KBTBD6: variants seen among roughly 807,000 people sequenced by gnomAD.
KBTBD6 encodes the protein kelch repeat and BTB domain containing 6, also known as kelch repeat and BTB domain-containing protein 6.
KBTBD6 carries 6 observed loss-of-function variants against 34.4 expected under a neutral mutation model. That is an observed-to-expected ratio of 0.17 (90% CI 0.10 to 0.34). The LOEUF is 0.34. Among genes scored for constraint, KBTBD6 ranks in the 10% least tolerant of loss-of-function variants. KBTBD6 has a pLI of 1.00. For synonymous variants in KBTBD6, 288 were observed against 327.2 expected, an observed-to-expected ratio of 0.88 and a Z score of 1.29; for missense variants, 557 against 856.0, an observed-to-expected ratio of 0.65 and a Z score of 4.36.
In KBTBD6 at chr13:41,131,946, C is replaced by G. The variant is rs2030107730; in HGVS notation, c.566G>C (p.Arg189Pro). The change falls in exon 1 of 1, where the codon CGA (arginine) becomes CCA (proline). Residue 189 changes from arginine to proline, a missense_variant. Arg to Pro is a moderately radical substitution (Grantham distance 103). Around this residue, in one of 4 missense-constraint regions of KBTBD6, gnomAD observed 100 missense variants for 102.1 expected, o/e 0.98. Transcript: ENST00000379485. This position sits in a 1 kb window ranked among gnomAD's most constrained non-coding sequence, Gnocchi z 5.8. The part of the protein sequence containing the change: ...FADAFGHRKL[R>P]SQAQSYIAQN... ...AGCTATATAGGACTGGGCCTGGGAT[C>G]GCAGCTTGCGATGGCCAAAGGCATC... 1 of 1,614,248 alleles carries G rather than the reference C, an allele frequency of 6.2e-7. No individual in the cohort carries two copies. The highest frequency in any genetic ancestry group is 8.5e-7 in the Non-Finnish European group (1 of 1,180,050).
At position 41,128,162 on chromosome 13, in the gene KBTBD6, T is replaced by A. The variant is rs2030026092; in HGVS notation, c.*2325A>T. The A allele has an allele frequency of 5.6e-6, 1 of 179,138 alleles. No individual in the cohort carries two copies. Among genetic ancestry groups the A allele is most frequent in the East Asian group, 1.4e-4 (1 of 7,238 alleles). 11.1% of individuals were successfully genotyped at this position (179,138 alleles called of 1,614,324 possible). A position where few individuals can be genotyped will look rare whatever the true frequency, so the allele number is the denominator to read the frequency against. Reference sequence around the variant, plus strand: ...ATGATATTTCACTCAAAAATTTAGTTACCCACCCCAAAACACATTTCTCTC... The same window carrying A: ...ATGATATTTCACTCAAAAATTTAGTAACCCACCCCAAAACACATTTCTCTC... On this transcript the variant is annotated 3_prime_UTR_variant, in exon 1 of 1. Coordinates refer to ENST00000379485, the MANE Select transcript of KBTBD6 (RefSeq NM_152903.5).
At position 41,129,711 on chromosome 13, in the gene KBTBD6, A is replaced by G. The variant is rs998759074; in HGVS notation, c.*776T>C. 8.7e-6 allele frequency: 1 copy of G among 115,212 alleles called. No individual in the cohort carries two copies. The highest frequency in any genetic ancestry group is 3.4e-5 in the African/African-American group (1 of 29,034). The allele number at this position is 115,212 out of a possible 1,614,324, so 7.1% of individuals were successfully genotyped here. On this transcript the variant is annotated 3_prime_UTR_variant, in exon 1 of 1. Coordinates refer to ENST00000379485, the MANE Select transcript of KBTBD6 (RefSeq NM_152903.5). ...GAGACGGAGTCTCACTCTGTCATCC[A>G]GGCTGGAGTGCAGTGGCCCAGTCTC...
chr13:41,132,475 G>A lies in KBTBD6; in HGVS notation c.37C>T (p.Leu13=). 6.2e-7 allele frequency: 1 copy of A among 1,614,232 alleles called. No homozygotes were observed. Among genetic ancestry groups the A allele is most frequent in the Non-Finnish European group, 8.5e-7 (1 of 1,180,030 alleles). The change falls in exon 1 of 1, where the codon CTA becomes TTA. Residue 13 remains leucine (L), a synonymous_variant. Coordinates refer to ENST00000379485, the MANE Select transcript of KBTBD6 (RefSeq NM_152903.5). ...SREDAPRSRR[L]ASPRGGKRPK... is the part of the protein sequence containing the mutation. The stretch of plus-strand genomic sequence containing the variant: ...CGCTTCCCACCACGGGGACTGGCTA[G>A]GCGGCGAGAGCGCGGGGCGTCTTCC...
At position 41,130,932 on chromosome 13, in the gene KBTBD6, C is replaced by G. The variant is rs2030076215; in HGVS notation, c.1580G>C (p.Cys527Ser). ...CTTCATGACTGGGATATCACAGATA[C>G]AATAGATCTCCTCATTGAAGACGCA... ...EACVFNEEIYCICDIPVMKVY... is the reference protein window; with the variant it reads ...EACVFNEEIYSICDIPVMKVY... Residue 527 changes from cysteine (C) to serine (S), a missense_variant, in exon 1 of 1, where the codon TGT (cysteine) becomes TCT (serine). Physicochemically the swap from Cys to Ser is moderately radical, Grantham distance 112. Around this residue, in one of 4 missense-constraint regions of KBTBD6, gnomAD observed 309 missense variants for 504.5 expected, o/e 0.61. Coordinates refer to ENST00000379485, the MANE Select transcript of KBTBD6 (RefSeq NM_152903.5). The surrounding 1 kb of genome is among the most constrained non-coding windows in gnomAD (Gnocchi z 4.8). 1.2e-6 allele frequency: 2 copies of G among 1,614,126 alleles called. No homozygotes were observed. Among genetic ancestry groups the G allele is most frequent in the Non-Finnish European group, 1.7e-6 (2 of 1,179,982 alleles).
In KBTBD6 at chr13:41,128,229, GA is replaced by G; in HGVS notation, c.*2257del. 4.0e-6 allele frequency: 1 copy of G among 252,996 alleles called. No individual in the cohort carries two copies. Among genetic ancestry groups the G allele is most frequent in the Non-Finnish European group, 7.5e-6 (1 of 133,486 alleles). The allele number at this position is 252,996 out of a possible 1,614,324, so 15.7% of individuals were successfully genotyped here. On this transcript the variant is annotated 3_prime_UTR_variant, in exon 1 of 1. Coordinates refer to ENST00000379485, the MANE Select transcript of KBTBD6 (RefSeq NM_152903.5). ...AAGAAATGTTAGCATTCTGTCACTA[GA>G]AAATAAACACTGAAGAGGAATTAGC...
At position 41,131,142 on chromosome 13, in the gene KBTBD6, T is replaced by C. The variant is rs1365813657; in HGVS notation, c.1370A>G (p.Tyr457Cys). The change falls in exon 1 of 1, where the codon TAC becomes TGC. Residue 457 changes from tyrosine (Y) to cysteine (C), a missense_variant. Physicochemically the swap from Tyr to Cys is radical, Grantham distance 194. This residue lies in a region of KBTBD6 where 309 missense variants were observed against 504.5 expected (regional missense o/e 0.61). Coordinates refer to ENST00000379485, the MANE Select transcript of KBTBD6 (RefSeq NM_152903.5). The surrounding 1 kb of genome is among the most constrained non-coding windows in gnomAD (Gnocchi z 5.8). ...TGCCCACTGGTTTCTCTTAACATTG[T>C]AGCATTCCACTTCCTTCAACTTAAC... ...TGVKLKEVEC[Y>C]NVKRNQWALV... The C allele has an allele frequency of 6.2e-7, 1 of 1,614,210 alleles. No homozygotes were observed. Among genetic ancestry groups the C allele is most frequent in the Non-Finnish European group, 8.5e-7 (1 of 1,180,036 alleles).
Position 41,132,343 on chromosome 13 carries a change from A to G in KBTBD6, c.169T>C (p.Tyr57His). ...AALLAQLKSF[Y>H]DARLLCDVTI... ...ACATCACACAGCAGCCGCGCATCGTAGAAGGACTTGAGCTGTGCCAGCAGG... is the reference window on the plus strand; with the variant it reads ...ACATCACACAGCAGCCGCGCATCGTGGAAGGACTTGAGCTGTGCCAGCAGG... Residue 57 changes from tyrosine to histidine, a missense_variant, in exon 1 of 1, where the codon TAC (tyrosine) becomes CAC (histidine). Around this residue, in one of 4 missense-constraint regions of KBTBD6, gnomAD observed 108 missense variants for 209.6 expected, o/e 0.52. Transcript: ENST00000379485. 3.7e-6 allele frequency: 6 copies of G among 1,614,240 alleles called. No individual in the cohort carries two copies. The highest frequency in any genetic ancestry group is 5.1e-6 in the Non-Finnish European group (6 of 1,180,044).
chr13:41,131,284 G>T lies in KBTBD6; in HGVS notation c.1228C>A (p.Pro410Thr). Residue 410 changes from proline (P) to threonine (T), a missense_variant, in exon 1 of 1, where the codon CCA becomes ACA. Physicochemically the swap from Pro to Thr is conservative, Grantham distance 38. Coordinates refer to ENST00000379485, the MANE Select transcript of KBTBD6 (RefSeq NM_152903.5). This position sits in a 1 kb window ranked among gnomAD's most constrained non-coding sequence, Gnocchi z 5.8. ...AGTTGCTGCCAACTATTCTGAGCTG[G>T]TTTATACACCCAGAGGTCTGTCCTG... ...QPRTDLWVYK[P>T]AQNSWQQLAD... 1 of 1,614,170 alleles carries T rather than the reference G, an allele frequency of 6.2e-7. No homozygotes were observed. Among genetic ancestry groups the T allele is most frequent in the Middle Eastern group, 1.6e-4 (1 of 6,062 alleles).
At position 41,132,134 on chromosome 13, in the gene KBTBD6, G is replaced by A. The variant is rs759691258; in HGVS notation, c.378C>T (p.Val126=). The change falls in exon 1 of 1, where the codon GTC becomes GTT. Residue 126 remains valine, a synonymous_variant. Coordinates refer to ENST00000379485, the MANE Select transcript of KBTBD6 (RefSeq NM_152903.5). ...DVDAESFEVL[V]DYCYTGRVSL... ...ACACACGACCCGTGTAGCAGTAGTC[G>A]ACCAACACCTCGAAGGACTCGGCGT... 5.0e-6 allele frequency: 8 copies of A among 1,614,116 alleles called. No homozygotes were observed. The highest frequency in any genetic ancestry group is 1.7e-5 in the Admixed American group (1 of 60,010).
rs2030077978 is a variant in KBTBD6 at position 41,131,004 on chromosome 13, A to G, written c.1508T>C (p.Met503Thr). ...CTTCAGAGAAACGCACTTCAGCCAC[A>G]TATTGTGGCTAGGATCATAACAGAA... is the stretch of plus-strand genomic sequence containing the variant. ...RMFCYDPSHN[M>T]WLKCVSLKRN... The change falls in exon 1 of 1, where the codon ATG (methionine) becomes ACG (threonine). Residue 503 changes from methionine to threonine, a missense_variant. Around this residue, in one of 4 missense-constraint regions of KBTBD6, gnomAD observed 309 missense variants for 504.5 expected, o/e 0.61. Transcript: ENST00000379485. The surrounding 1 kb of genome is among the most constrained non-coding windows in gnomAD (Gnocchi z 5.8). 4 of 1,614,060 alleles carry G rather than the reference A, an allele frequency of 2.5e-6. No individual in the cohort carries two copies. The highest frequency in any genetic ancestry group is 1.7e-5 in the Admixed American group (1 of 60,002).
rs1256424403 is a variant in KBTBD6, at chr13:41,130,094, T to C, written c.*393A>G. 1.3e-5 allele frequency: 2 copies of C among 159,872 alleles called. No homozygotes were observed. The highest frequency in any genetic ancestry group is 2.7e-5 in the Non-Finnish European group (2 of 73,364). 9.9% of individuals were successfully genotyped at this position (159,872 alleles called of 1,614,324 possible). A position where few individuals can be genotyped will look rare whatever the true frequency, so the allele number is the denominator to read the frequency against. On this transcript the variant is annotated 3_prime_UTR_variant, in exon 1 of 1. Transcript: ENST00000379485. This position sits in a 1 kb window ranked among gnomAD's most constrained non-coding sequence, Gnocchi z 4.8. Reference sequence around the variant, plus strand: ...CTACATTGTTCTGAAGAAAAAGATATGCTTTCAAAACACTATCTAGCAATT... The same window carrying C: ...CTACATTGTTCTGAAGAAAAAGATACGCTTTCAAAACACTATCTAGCAATT...
In KBTBD6 at chr13:41,130,671, A is replaced by G. The variant is rs758691985; in HGVS notation, c.1841T>C (p.Leu614Pro). The change falls in exon 1 of 1, where the codon CTC becomes CCC. Residue 614 changes from leucine (L) to proline (P), a missense_variant. Transcript: ENST00000379485. The surrounding 1 kb of genome is among the most constrained non-coding windows in gnomAD (Gnocchi z 4.8). ...GCAGGAAGGATAAACACGAGCAGAG[A>G]GGCAAAAAAAGTTAGAATCAAACTG... ...LLQFDSNFFC[L>P]SARVYPSCLE... 2 of 1,614,228 alleles carry G rather than the reference A, an allele frequency of 1.2e-6. No homozygotes were observed. The highest frequency in any genetic ancestry group is 2.2e-5 in the East Asian group (1 of 44,894).
rs890490418 is a variant in KBTBD6 at position 41,128,310 on chromosome 13, A to G, written c.*2177T>C. On this transcript the variant is annotated 3_prime_UTR_variant, in exon 1 of 1. Transcript: ENST00000379485. Reference sequence around the variant, plus strand: ...ATACTAACAGGATAAAGGAAAATGTAGACCATAAGCATCTGGTCATTCATC... The same window carrying G: ...ATACTAACAGGATAAAGGAAAATGTGGACCATAAGCATCTGGTCATTCATC... The G allele has an allele frequency of 1.4e-5, 5 of 354,786 alleles. No individual in the cohort carries two copies. The highest frequency in any genetic ancestry group is 2.5e-5 in the Non-Finnish European group (5 of 197,164). The allele number at this position is 354,786 out of a possible 1,614,324, so 22.0% of individuals were successfully genotyped here.
At position 41,128,455 on chromosome 13, in the gene KBTBD6, T is replaced by TA. The variant is rs2030032003; in HGVS notation, c.*2031dup. ...TAGTCTCTGTTCCAGGACCTTCTCT[T>TA]ACATTATGGTAACAGAAAAACAAAG... On this transcript the variant is annotated 3_prime_UTR_variant, in exon 1 of 1. Transcript: ENST00000379485. The TA allele has an allele frequency of 2.5e-6, 1 of 394,872 alleles. No individual in the cohort carries two copies. Among genetic ancestry groups the TA allele is most frequent in the Non-Finnish European group, 4.5e-6 (1 of 223,504 alleles). 24.5% of individuals were successfully genotyped at this position (394,872 alleles called of 1,614,324 possible).
In KBTBD6 at chr13:41,132,189, T is replaced by C; in HGVS notation, c.323A>G (p.Gln108Arg). 1 of 1,614,254 alleles carries C rather than the reference T, an allele frequency of 6.2e-7. No homozygotes were observed. The highest frequency in any genetic ancestry group is 8.5e-7 in the Non-Finnish European group (1 of 1,180,050). Residue 108 changes from glutamine to arginine, a missense_variant, in exon 1 of 1, where the codon CAG becomes CGG. By Grantham distance (43) the Gln-to-Arg change is conservative (BLOSUM62 1). Transcript: ENST00000379485. Reference protein sequence around the residue: ...SMFTGGMYESQQASVTMHDVD... With the variant: ...SMFTGGMYESRQASVTMHDVD... ...ATCGTGCATGGTCACGCTGGCCTGC[T>C]GGCTCTCGTACATGCCACCTGTGAA... is the stretch of plus-strand genomic sequence containing the variant.
chr13:41,132,578 C>G lies in KBTBD6; in HGVS notation c.-67G>C. 1 of 1,534,602 alleles carries G rather than the reference C, an allele frequency of 6.5e-7. No homozygotes were observed. Among genetic ancestry groups the G allele is most frequent in the Non-Finnish European group, 8.9e-7 (1 of 1,129,538 alleles). On this transcript the variant is annotated 5_prime_UTR_variant, in exon 1 of 1. Transcript: ENST00000379485. Reference sequence around the variant, plus strand: ...GGACCCGGCTCTGGCTCCTCCTCAACCTTCCCTCGCTGACGCTAAGATAGC... The same window carrying G: ...GGACCCGGCTCTGGCTCCTCCTCAAGCTTCCCTCGCTGACGCTAAGATAGC...
rs778475622 is a variant in KBTBD6, at chr13:41,131,147, T to C, written c.1365A>G (p.Glu455=). The C allele has an allele frequency of 3.2e-5, 52 of 1,614,064 alleles. No individual in the cohort carries two copies. The highest frequency in any genetic ancestry group is 5.0e-5 in the Admixed American group (3 of 59,994). The change falls in exon 1 of 1, where the codon GAA becomes GAG. Residue 455 remains glutamate, a synonymous_variant. Coordinates refer to ENST00000379485, the MANE Select transcript of KBTBD6 (RefSeq NM_152903.5). This position sits in a 1 kb window ranked among gnomAD's most constrained non-coding sequence, Gnocchi z 5.8. ...PITGVKLKEV[E]CYNVKRNQWA... ...ACTGGTTTCTCTTAACATTGTAGCATTCCACTTCCTTCAACTTAACTCCAG... is the reference window on the plus strand; with the variant it reads ...ACTGGTTTCTCTTAACATTGTAGCACTCCACTTCCTTCAACTTAACTCCAG...
rs144780461 is a variant in KBTBD6 at position 41,131,868 on chromosome 13, G to C, written c.644C>G (p.Ala215Gly). ...CAGCAGCTGGGCCAGGGTCAGATCT[G>C]CTAGAGTCTCCTCCCGAATTGAACC... is the stretch of plus-strand genomic sequence containing the variant. Reference protein sequence around the residue: ...HMGSIREETLADLTLAQLLAV... With the variant: ...HMGSIREETLGDLTLAQLLAV... Residue 215 changes from alanine to glycine, a missense_variant, in exon 1 of 1, where the codon GCA (alanine) becomes GGA (glycine). Physicochemically the swap from Ala to Gly is moderately conservative, Grantham distance 60. Transcript: ENST00000379485. This position sits in a 1 kb window ranked among gnomAD's most constrained non-coding sequence, Gnocchi z 5.8. The C allele has an allele frequency of 9.9e-6, 16 of 1,614,130 alleles. No individual in the cohort carries two copies. Among genetic ancestry groups the C allele is most frequent in the Non-Finnish European group, 1.0e-5 (12 of 1,180,058 alleles).
At position 41,131,967 on chromosome 13, in the gene KBTBD6, G is replaced by A. The variant is rs768432202; in HGVS notation, c.545C>T (p.Ala182Val). The change falls in exon 1 of 1, where the codon GCC becomes GTC. Residue 182 changes from alanine (A) to valine (V), a missense_variant. This residue lies in a region of KBTBD6 where 100 missense variants were observed against 102.1 expected (regional missense o/e 0.98). Transcript: ENST00000379485. This position sits in a 1 kb window ranked among gnomAD's most constrained non-coding sequence, Gnocchi z 5.8. Reference protein sequence around the residue: ...NCTAILKFADAFGHRKLRSQA... With the variant: ...NCTAILKFADVFGHRKLRSQA... The stretch of plus-strand genomic sequence containing the variant: ...GGATCGCAGCTTGCGATGGCCAAAG[G>A]CATCTGCAAACTTGAGGATGGCGGT... 1 of 1,614,174 alleles carries A rather than the reference G, an allele frequency of 6.2e-7. No individual in the cohort carries two copies. The highest frequency in any genetic ancestry group is 1.3e-5 in the African/African-American group (1 of 74,958).
Sources: gnomAD v4.1 joint callset for allele counts on GRCh38, gnomAD v4.1.1 for gene constraint, gnomAD v4.1.1 regional missense constraint, Gnocchi (gnomAD v3.1) non-coding constraint, MANE v1.5 for transcripts, NCBI Gene and HGNC (gene_info 2026-07-23, HGNC 2026-07-21) for gene names.